FAM222B: variants seen among roughly 807,000 people sequenced by gnomAD.
FAM222B encodes the protein protein FAM222B.
A neutral mutation model predicts 38.0 loss-of-function variants in FAM222B; 12 were observed. The observed-to-expected ratio is 0.32, with a 90% confidence interval of 0.20 to 0.51. FAM222B has a LOEUF of 0.51. Among genes scored for constraint, FAM222B ranks in the 20% least tolerant of loss-of-function variants. FAM222B has a pLI of 0.97. For synonymous variants in FAM222B, 329 were observed against 317.2 expected (o/e 1.04, Z -0.40); for missense variants, 716 against 754.2 (o/e 0.95, Z 0.59).
chr17:28,795,132 G>A (rs2036879221), intron 1 of FAM222B, among the ~76,000 whole-genome samples: 1 of 151,170 alleles, frequency 6.6e-6, no homozygotes, highest in South Asian at 2.1e-4. Flanking sequence ...TACAGCAAAA[G>A]AGACGTGTCC....
At chr17:28,825,576 T>C (rs570082412) in intron 1 of FAM222B, among the ~76,000 whole-genome samples, 13 of 152,230 alleles carry the variant, frequency 8.5e-5, no homozygotes, top group African/African-American at 2.9e-4. Flanking sequence ...ACTGGCCTGA[T>C]TTCTGTTCCT....
chr17:28,790,884 C>CTTTTTT lies in FAM222B; in HGVS notation c.-40-24183_-40-24178dup, dbSNP rs60664262. On this transcript the variant is annotated intron_variant, in intron 1 of 2. Coordinates refer to ENST00000581407, the MANE Select transcript of FAM222B (RefSeq NM_001077498.3). ...GTTCTATATATTTCAAATTGTTTCA[C>CTTTTTT]TTTTTTTTTTTTTTTTTTTTTTTTT... Among the ~76,000 whole-genome samples, 48 of 86,076 alleles carry CTTTTTT rather than the reference C, an allele frequency of 5.6e-4. 1 individual carries two copies. The highest frequency in any genetic ancestry group is 1.1e-3 in the East Asian group (3 of 2,848). The allele number at this position is 86,076 out of a possible 152,430, so 56.5% of individuals were successfully genotyped here.
At chr17:28,839,990 A>G (rs957825513) in intron 1 of FAM222B, among the ~76,000 whole-genome samples, 3 of 151,832 alleles carry the variant, frequency 2.0e-5, no homozygotes, top group Middle Eastern at 3.2e-3. Context: ...TCAATTGCCA[A>G]AACGCCTTGA....
At chr17:28,789,419 G>C (rs148277391) in intron 1 of FAM222B, among the ~76,000 whole-genome samples, 3 of 151,990 alleles carry the variant, frequency 2.0e-5, no homozygotes, top group East Asian at 1.9e-4. Context: ...GGCTGGTCTT[G>C]AACTCCTGAA....
At chr17:28,788,383 T>G (rs2036515454) in intron 1 of FAM222B, among the ~76,000 whole-genome samples, 1 of 152,112 alleles carries the variant, frequency 6.6e-6, no homozygotes, top group Non-Finnish European at 1.5e-5. Flanking sequence ...GGATTATAGG[T>G]GCACACCATT....
At chr17:28,832,073 C>T (rs1394399640) in intron 1 of FAM222B, among the ~76,000 whole-genome samples, 2 of 152,170 alleles carry the variant, frequency 1.3e-5, no homozygotes, top group Admixed American at 6.5e-5. Context: ...ACCTGTAGTC[C>T]CAGCAACTCA....
chr17:28,845,399 CAAA>C (rs765885216), upstream of FAM222B, among the ~76,000 whole-genome samples: 1 of 134,034 alleles, frequency 7.5e-6, no homozygotes. Flanking sequence ...GACTCCATCT[CAAA>C]AAAAAAAAAT....
At chr17:28,810,730 T>A (rs922030516) in intron 1 of FAM222B, among the ~76,000 whole-genome samples, 2 of 152,238 alleles carry the variant, frequency 1.3e-5, no homozygotes, top group Non-Finnish European at 2.9e-5. Context: ...TTTAGTAACA[T>A]GTCTATTCTA....
intron 1 of FAM222B, among the ~76,000 whole-genome samples, chr17:28,799,664 G>A (rs1221302346): frequency 6.6e-6 from 1 of 152,124 alleles, no homozygotes; most frequent in East Asian, 1.9e-4. Context: ...CTTCAGTGCA[G>A]TTGCACCACT....
intron 1 of FAM222B, among the ~76,000 whole-genome samples, chr17:28,790,884 C>CATTTTTTTT (rs71135852): frequency 0.046 from 3,969 of 86,038 alleles, 1,427 homozygotes; most frequent in Middle Eastern, 0.053. Context: ...AATTGTTTCA[C>CATTTTTTTT]TTTTTTTTTT....
intron 1 of FAM222B, among the ~76,000 whole-genome samples, chr17:28,817,381 C>T (rs546805634): frequency 6.6e-6 from 1 of 151,518 alleles, no homozygotes; most frequent in Non-Finnish European, 1.5e-5. Flanking sequence ...CCACTGAACT[C>T]CAGCCTGGGC....
intron 2 of FAM222B, among the ~76,000 whole-genome samples, chr17:28,760,598 AAGAG>A (rs1555569742): frequency 6.6e-6 from 1 of 151,798 alleles, no homozygotes; most frequent in Non-Finnish European, 1.5e-5. Context: ...AAAAAAAAAA[AAGAG>A]AGAAATGCAG....
At chr17:28,800,183 C>T (rs1333050483) in intron 1 of FAM222B, among the ~76,000 whole-genome samples, 4 of 152,184 alleles carry the variant, frequency 2.6e-5, no homozygotes, top group Non-Finnish European at 5.9e-5. Context: ...AGGCATGAGC[C>T]ACCACACCTG....
intron 1 of FAM222B, among the ~76,000 whole-genome samples, chr17:28,832,295 G>A (rs1273485106): frequency 1.3e-5 from 2 of 152,176 alleles, no homozygotes; most frequent in African/African-American, 4.8e-5. Context: ...AGTTTTACTT[G>A]CACAGCTGTT....
chr17:28,818,844 C>T (rs955916923), intron 1 of FAM222B, among the ~76,000 whole-genome samples: 1 of 152,218 alleles, frequency 6.6e-6, no homozygotes, highest in African/African-American at 2.4e-5. Flanking sequence ...GTTTCACACA[C>T]ATAGACAAAA....
rs527621337 is a variant in FAM222B at position 28,812,677 on chromosome 17, T to A, written c.-41+30005A>T. 1.3e-3 allele frequency among the ~76,000 whole-genome samples: 201 copies of A among 151,618 alleles called. 2 individuals are homozygous for A. The highest frequency in any genetic ancestry group is 4.7e-3 in the African/African-American group (194 of 41,320). ...CGCTGCCCCCATCTCTCCCGGCCCC[T>A]ACCCCAAAGCCAGGAGCCAAGCATC... On this transcript the variant is annotated intron_variant, in intron 1 of 2. Coordinates refer to ENST00000581407, the MANE Select transcript of FAM222B (RefSeq NM_001077498.3).
intron 1 of FAM222B, among the ~76,000 whole-genome samples, chr17:28,798,449 A>G (rs9890155): frequency 0.19 from 28,719 of 152,078 alleles, 2,848 homozygotes; most frequent in South Asian, 0.3. Flanking sequence ...GGGTAGGGTA[A>G]TAATTTTAAA....
At chr17:28,839,014 C>T (rs1418992862) in intron 1 of FAM222B, among the ~76,000 whole-genome samples, 3 of 152,036 alleles carry the variant, frequency 2.0e-5, no homozygotes, top group Non-Finnish European at 4.4e-5. Context: ...ACCATCCTGG[C>T]TAACACGGTG....
In FAM222B at chr17:28,785,216, T is replaced by C. The variant is rs1215840182; in HGVS notation, c.-40-18509A>G. The stretch of plus-strand genomic sequence containing the variant: ...GAATCTCTGTCTTAGTTCCTAGACA[T>C]GTGATCATTCCATTAAATATTTTCC... On this transcript the variant is annotated intron_variant, in intron 1 of 2. Coordinates refer to ENST00000581407, the MANE Select transcript of FAM222B (RefSeq NM_001077498.3). 3.3e-5 allele frequency among the ~76,000 whole-genome samples: 5 copies of C among 152,322 alleles called. No homozygotes were observed. The South Asian group carries it at 1.0e-3, about 32-fold the overall frequency.
Sources: allele counts gnomAD v4.1 joint callset (sites outside exome capture counted in the v4.1 genomes callset), GRCh38; gene constraint gnomAD v4.1.1; transcripts MANE v1.5; gene names NCBI Gene and HGNC (gene_info 2026-07-23, HGNC 2026-07-21).